Variants in KIF26B observed in about 807,000 individuals in gnomAD.
The protein encoded by KIF26B is kinesin-like protein KIF26B.
In KIF26B, 63 loss-of-function variants were observed where a neutral mutation model predicts 151.2. The observed-to-expected ratio is 0.42, with a 90% CI of 0.34 to 0.51. The LOEUF (loss-of-function observed/expected upper bound fraction) is 0.51. Ranked by LOEUF, KIF26B falls within the 20% of genes least tolerant of loss-of-function variation. The pLI, the probability that KIF26B is intolerant of heterozygous loss-of-function variation, is 0.07. For synonymous variants in KIF26B, 1,357 were observed against 1,262.1 expected (o/e 1.08, Z -1.59); for missense variants, 2,813 against 2,913.6 (o/e 0.97, Z 0.79).
At position 245,167,754 on chromosome 1, in the gene KIF26B, A is replaced by G. The variant is rs955020637; in HGVS notation, c.465+11071A>G. On this transcript the variant is annotated intron_variant, in intron 2 of 14. Coordinates refer to ENST00000407071, the MANE Select transcript of KIF26B (RefSeq NM_018012.4). The surrounding 1 kb of genome is among the most constrained non-coding windows in gnomAD (Gnocchi z 4.2). Reference sequence around the variant, plus strand: ...AAGCAGGTGGCAGAGTGTCTTCCCCATGGTACCATGGCTGGGAATTAGAGC... The same window carrying G: ...AAGCAGGTGGCAGAGTGTCTTCCCCGTGGTACCATGGCTGGGAATTAGAGC... 1.3e-5 allele frequency among the ~76,000 whole-genome samples: 2 copies of G among 151,990 alleles called. No individual in the cohort carries two copies. Among genetic ancestry groups the G allele is most frequent in the African/African-American group, 4.8e-5 (2 of 41,386 alleles).
In KIF26B at chr1:245,607,789, G is replaced by A. The variant is rs1320059397; in HGVS notation, c.1651+45G>A. 3 of 1,448,630 alleles carry A rather than the reference G, an allele frequency of 2.1e-6. No homozygotes were observed. In the East Asian group the frequency reaches 7.1e-5, roughly 34 times the overall value. 89.7% of individuals were successfully genotyped at this position (1,448,630 alleles called of 1,614,324 possible). ...TCTCATGCGGCTCGTTGAGCTCCCT[G>A]TCATCCCATGCATTCCTCTGTCTCC... On this transcript the variant is annotated intron_variant, in intron 7 of 14. Transcript: ENST00000407071.
rs1394064882 is a variant in KIF26B, at chr1:245,575,481, A to T, written c.1351-27096A>T. Among the ~76,000 whole-genome samples, 4 of 152,084 alleles carry T rather than the reference A, an allele frequency of 2.6e-5. No homozygotes were observed. The East Asian group carries it at 7.8e-4, about 30-fold the overall frequency. ...CAGTGTGGGACTCCATCTCAAAAAAAAAATGTAGAAAAATAAAAACAATCA... is the reference window on the plus strand; with the variant it reads ...CAGTGTGGGACTCCATCTCAAAAAATAAATGTAGAAAAATAAAAACAATCA... On this transcript the variant is annotated intron_variant, in intron 5 of 14. Coordinates refer to ENST00000407071, the MANE Select transcript of KIF26B (RefSeq NM_018012.4).
In KIF26B at chr1:245,203,324, C is replaced by T. The variant is rs145696438; in HGVS notation, c.465+46641C>T. Among the ~76,000 whole-genome samples the T allele has an allele frequency of 2.0e-5, 3 of 151,786 alleles. No individual in the cohort carries two copies. The East Asian group carries it at 5.8e-4, about 29-fold the overall frequency. ...CCATAAGAAAAATGGGCACAACGAT[C>T]GTTGCTTTTTGCGTGGATTGCCACA... On this transcript the variant is annotated intron_variant, in intron 2 of 14. Coordinates refer to ENST00000407071, the MANE Select transcript of KIF26B (RefSeq NM_018012.4).
At chr1:245,556,536 A>G (rs1662043791) in intron 5 of KIF26B, among the ~76,000 whole-genome samples, 2 of 152,160 alleles carry the variant, frequency 1.3e-5, no homozygotes, top group Admixed American at 1.3e-4. Context: ...AGTAGCTGGG[A>G]CTACCAGCAT....
chr1:245,617,119 T>A (rs1422032407), intron 9 of KIF26B, among the ~76,000 whole-genome samples: 1 of 152,182 alleles, frequency 6.6e-6, no homozygotes, highest in Admixed American at 6.5e-5. Context: ...TTTTTAACAC[T>A]GAGTCTCGCA....
chr1:245,439,967 A>T (rs1271373172), intron 4 of KIF26B, among the ~76,000 whole-genome samples: 1 of 152,222 alleles, frequency 6.6e-6, no homozygotes, highest in Non-Finnish European at 1.5e-5. Flanking sequence ...CACGCCTGTA[A>T]TCCCAGCACT....
chr1:245,689,022 ACCCCGCGGGGC>A (rs2044585151), intron 12 of KIF26B, among the ~76,000 whole-genome samples: 1 of 151,750 alleles, frequency 6.6e-6, no homozygotes, highest in South Asian at 2.1e-4. Flanking sequence ...ACGGCCCGGC[ACCCCGCGGGGC>A]TCCGCCGGGG....
At chr1:245,650,420 C>T (rs1558252090) in intron 10 of KIF26B, among the ~76,000 whole-genome samples, 1 of 152,260 alleles carries the variant, frequency 6.6e-6, no homozygotes, top group African/African-American at 2.4e-5. Flanking sequence ...AGAACCGCCA[C>T]AAGGATCTGT....
At chr1:245,272,106 A>G (rs1670864712) in intron 2 of KIF26B, among the ~76,000 whole-genome samples, 1 of 152,052 alleles carries the variant, frequency 6.6e-6, no homozygotes, top group African/African-American at 2.4e-5. Flanking sequence ...GAATTTATCC[A>G]TTTCTTCTAG....
At chr1:245,282,868 T>C in intron 2 of KIF26B, 1 of 248,394 alleles carries the variant, frequency 4.0e-6, no homozygotes, top group South Asian at 6.0e-5. Context: ...TATTTTCCCT[T>C]ATTGGCAGTC....
At chr1:245,389,960 G>A (rs1300579981) in intron 3 of KIF26B, among the ~76,000 whole-genome samples, 1 of 152,136 alleles carries the variant, frequency 6.6e-6, no homozygotes, top group East Asian at 1.9e-4. Flanking sequence ...GACCATCTGA[G>A]TCCCTAAGAC....
chr1:245,356,496 G>T (rs1439484568), intron 2 of KIF26B, among the ~76,000 whole-genome samples: 1 of 152,108 alleles, frequency 6.6e-6, no homozygotes, highest in African/African-American at 2.4e-5. Flanking sequence ...GGCAGAGGTT[G>T]CAGTGAGCCG....
chr1:245,395,639 T>G (rs931450368), intron 3 of KIF26B, among the ~76,000 whole-genome samples: 39 of 152,164 alleles, frequency 2.6e-4, no homozygotes, highest in Non-Finnish European at 1.3e-4. Context: ...TCAGAACCTT[T>G]TTTCCTGGCA....
chr1:245,625,084 A>G (rs1222489986), intron 9 of KIF26B, among the ~76,000 whole-genome samples: 1 of 152,194 alleles, frequency 6.6e-6, no homozygotes, highest in Admixed American at 6.5e-5. Context: ...TTTATGTGCA[A>G]CTATTTCTAG....
At chr1:245,587,059 T>C (rs190683331) in intron 5 of KIF26B, among the ~76,000 whole-genome samples, 265 of 152,286 alleles carry the variant, frequency 1.7e-3, no homozygotes, top group South Asian at 0.014. Context: ...CTGAGGCTCA[T>C]AGAAGTACCT....
intron 5 of KIF26B, among the ~76,000 whole-genome samples, chr1:245,594,410 A>T (rs1007228478): frequency 1.2e-4 from 18 of 152,138 alleles, no homozygotes; most frequent in Non-Finnish European, 8.8e-5. Flanking sequence ...TCCCAACACC[A>T]TTTATTAAAT....
intron 8 of KIF26B, among the ~76,000 whole-genome samples, chr1:245,609,827 T>C (rs1411671136): frequency 6.6e-6 from 1 of 152,246 alleles, no homozygotes; most frequent in East Asian, 1.9e-4. Context: ...ATCTTTCTTT[T>C]GTTTAACAAC....
intron 10 of KIF26B, among the ~76,000 whole-genome samples, chr1:245,663,014 A>G (rs139914975): frequency 6.8e-6 from 1 of 147,386 alleles, no homozygotes; most frequent in Non-Finnish European, 1.5e-5. Context: ...TATCTCTCCA[A>G]TTCTTGCTTT....
At chr1:245,186,512 G>C (rs961184992) in intron 2 of KIF26B, among the ~76,000 whole-genome samples, 1 of 152,180 alleles carries the variant, frequency 6.6e-6, no homozygotes, top group African/African-American at 2.4e-5. Flanking sequence ...GAATTCTGTC[G>C]ACAGTAGCTG....
Sources: gnomAD v4.1 joint callset for allele counts (sites outside exome capture counted in the v4.1 genomes callset) on GRCh38, gnomAD v4.1.1 for gene constraint, Gnocchi (gnomAD v3.1) non-coding constraint, MANE v1.5 for transcripts, NCBI Gene and HGNC (gene_info 2026-07-23, HGNC 2026-07-21) for gene names.